Variants in ADGRL3 observed in about 807,000 individuals in gnomAD.
ADGRL3 encodes adhesion G protein-coupled receptor L3, also known as calcium-independent alpha-latrotoxin receptor 3.
A neutral mutation model predicts 153.5 loss-of-function variants in ADGRL3; 62 were observed. The ratio of observed to expected loss-of-function variants is 0.40; its 90% confidence interval spans 0.33 to 0.50. The LOEUF (loss-of-function observed/expected upper bound fraction) is 0.50. ADGRL3 is among the 20% of genes least tolerant of loss of function. The probability of loss-of-function intolerance (pLI) is 0.47; values close to 1 mark genes in which losing one functional copy is unlikely to be tolerated. For missense variants in ADGRL3, 1,641 were observed against 1,859.4 expected, an observed-to-expected ratio of 0.88 and a Z score of 2.16; for synonymous variants, 710 against 672.5, an observed-to-expected ratio of 1.06 and a Z score of -0.86.
intron 19 of ADGRL3, among the ~76,000 whole-genome samples, chr4:61,993,448 G>A (rs1030486924): frequency 1.1e-4 from 17 of 150,924 alleles, no homozygotes; most frequent in Non-Finnish European, 1.9e-4. Flanking sequence ...TGCATCACCA[G>A]GTCCGGCTAA....
chr4:61,493,151 CAT>C (rs1560725196), intron 2 of ADGRL3, among the ~76,000 whole-genome samples: 1 of 152,088 alleles, frequency 6.6e-6, no homozygotes, highest in South Asian at 2.1e-4. Flanking sequence ...GCTATTAAAA[CAT>C]ATTGTATAAT....
intron 13 of ADGRL3, among the ~76,000 whole-genome samples, chr4:61,922,330 A>G (rs762174425): frequency 1.3e-5 from 2 of 152,182 alleles, no homozygotes; most frequent in Non-Finnish European, 2.9e-5. Context: ...TTATTTTTTG[A>G]AACAGTTTTA....
chr4:61,614,473 G>C (rs1312577559), intron 5 of ADGRL3, among the ~76,000 whole-genome samples: 1 of 151,998 alleles, frequency 6.6e-6, no homozygotes, highest in Non-Finnish European at 1.5e-5. Context: ...CAATCAGTTG[G>C]GATCCTGATG....
intron 25 of ADGRL3, among the ~76,000 whole-genome samples, chr4:62,051,664 C>G (rs1437270234): frequency 6.6e-6 from 1 of 151,660 alleles, no homozygotes; most frequent in Non-Finnish European, 1.5e-5. Flanking sequence ...ACCTAAAGCT[C>G]TCATAGATCC....
chr4:61,617,430 A>T (rs1313367429), intron 5 of ADGRL3, among the ~76,000 whole-genome samples: 2 of 152,142 alleles, frequency 1.3e-5, no homozygotes, highest in African/African-American at 2.4e-5. Flanking sequence ...AAAGTAAAAA[A>T]AACTTGCTTA....
At chr4:61,919,244 C>T (rs1176267015) in intron 13 of ADGRL3, among the ~76,000 whole-genome samples, 1 of 152,060 alleles carries the variant, frequency 6.6e-6, no homozygotes, top group Admixed American at 6.6e-5. Flanking sequence ...CGATGTTTGC[C>T]CATAAGCATC....
At chr4:61,658,483 T>C (rs1446154511) in intron 5 of ADGRL3, among the ~76,000 whole-genome samples, 1 of 152,156 alleles carries the variant, frequency 6.6e-6, no homozygotes, top group Non-Finnish European at 1.5e-5. Context: ...ATGGTCCCAG[T>C]AGAGTCATTT....
chr4:61,936,781 TACACACACAC>T (rs71666904), intron 15 of ADGRL3, among the ~76,000 whole-genome samples: 3 of 138,824 alleles, frequency 2.2e-5, no homozygotes, highest in Non-Finnish European at 4.6e-5. Flanking sequence ...TACATATGCA[TACACACACAC>T]ACACACACAC....
intron 1 of ADGRL3, among the ~76,000 whole-genome samples, chr4:61,342,784 T>A (rs773740690): frequency 1.1e-4 from 16 of 152,298 alleles, no homozygotes; most frequent in Non-Finnish European, 1.9e-4. Flanking sequence ...CACATTTCAG[T>A]TCTTTGGCTT....
chr4:61,331,952 G>A (rs148261795), intron 1 of ADGRL3, among the ~76,000 whole-genome samples: 3 of 152,096 alleles, frequency 2.0e-5, no homozygotes, highest in East Asian at 3.9e-4. Context: ...GTGTTCTGTA[G>A]GAGTGGACAA....
intron 1 of ADGRL3, among the ~76,000 whole-genome samples, chr4:61,245,942 G>T (rs1196007593): frequency 6.6e-6 from 1 of 151,818 alleles, no homozygotes; most frequent in African/African-American, 2.4e-5. Flanking sequence ...GATTTTTCAG[G>T]CTATAGGCTT....
intron 8 of ADGRL3, among the ~76,000 whole-genome samples, chr4:61,750,159 GAAGA>G (rs1421013948): frequency 1.4e-5 from 1 of 69,278 alleles, no homozygotes; most frequent in Non-Finnish European, 3.2e-5. Flanking sequence ...AACAAATTGA[GAAGA>G]AAGAAAAAAG....
intron 5 of ADGRL3, among the ~76,000 whole-genome samples, chr4:61,589,609 A>C (rs1255242558): frequency 6.6e-6 from 1 of 152,076 alleles, no homozygotes; most frequent in African/African-American, 2.4e-5. Context: ...AGACTATATC[A>C]GAGTCTAAAC....
At chr4:61,366,973 CT>C (rs1553913173) in intron 1 of ADGRL3, among the ~76,000 whole-genome samples, 1 of 152,054 alleles carries the variant, frequency 6.6e-6, no homozygotes, top group East Asian at 1.9e-4. Flanking sequence ...GTGGCTCTTT[CT>C]TTGTTTATTA....
chr4:61,205,914 A>G (rs1012160032), intron 1 of ADGRL3, among the ~76,000 whole-genome samples: 12 of 152,208 alleles, frequency 7.9e-5, no homozygotes, highest in African/African-American at 2.9e-4. Context: ...TCTGAGTGTC[A>G]GCATGGTCCA....
intron 1 of ADGRL3, among the ~76,000 whole-genome samples, chr4:61,291,210 A>ACACG (rs1553894989): frequency 0.47 from 62,040 of 132,192 alleles, 14,672 homozygotes; most frequent in Middle Eastern, 0.58. Context: ...ACACACACAC[A>ACACG]CACACACGCA....
At chr4:61,512,791 A>G (rs1002743503) in intron 3 of ADGRL3, among the ~76,000 whole-genome samples, 3 of 152,124 alleles carry the variant, frequency 2.0e-5, no homozygotes, top group Admixed American at 2.0e-4. Flanking sequence ...AGGATTTCCT[A>G]CTAGGAAGGA....
intron 17 of ADGRL3, among the ~76,000 whole-genome samples, chr4:61,967,705 T>C (rs1190829864): frequency 6.6e-6 from 1 of 152,226 alleles, no homozygotes; most frequent in African/African-American, 2.4e-5. Flanking sequence ...GTCCAAAATG[T>C]CCATCATTTT....
chr4:61,946,261 G>T (rs1005062333), intron 15 of ADGRL3, among the ~76,000 whole-genome samples: 1 of 152,016 alleles, frequency 6.6e-6, no homozygotes, highest in Non-Finnish European at 1.5e-5. Context: ...AGAGATTCTT[G>T]TGGGTATGAA....
Sources: allele counts gnomAD v4.1 joint callset (sites outside exome capture counted in the v4.1 genomes callset), GRCh38; gene constraint gnomAD v4.1.1; transcripts MANE v1.5; gene names NCBI Gene and HGNC (gene_info 2026-07-23, HGNC 2026-07-21).